ZNF687: variants seen among roughly 807,000 people sequenced by gnomAD.
ZNF687 encodes the protein zinc finger protein 687.
Under a neutral mutation model 71.8 loss-of-function variants are expected in ZNF687, and 13 were observed. The observed-to-expected ratio is 0.18, with a 90% confidence interval of 0.12 to 0.29. ZNF687 has a LOEUF of 0.29. Ranked by LOEUF, ZNF687 falls within the 10% of genes least tolerant of loss-of-function variation. The pLI is 1.00. For synonymous variants in ZNF687, 673 were observed against 641.6 expected (o/e 1.05, Z -0.74); for missense variants, 1,412 against 1,625.6 (o/e 0.87, Z 2.26).
chr1:151,286,389 A>G lies in ZNF687; in HGVS notation c.98A>G (p.Glu33Gly). The G allele has an allele frequency of 6.2e-7, 1 of 1,612,778 alleles. No individual in the cohort carries two copies. The highest frequency in any genetic ancestry group is 1.3e-5 in the African/African-American group (1 of 74,900). The stretch of plus-strand genomic sequence containing the variant: ...GAAGCCATCCATTCTGGGCCAGAAG[A>G]AAATGAGGGGCCTGGAGGCCCAGGG... Reference protein sequence around the residue: ...ANEAIHSGPEENEGPGGPGKP... With the variant: ...ANEAIHSGPEGNEGPGGPGKP... Residue 33 changes from glutamate to glycine, a missense_variant, in exon 2 of 9, where the codon GAA becomes GGA. By Grantham distance (98) the Glu-to-Gly change is moderately conservative. Transcript: ENST00000336715.
chr1:151,282,109 C>T (rs778419777), upstream of ZNF687: 1 of 1,273,580 alleles, frequency 7.9e-7, no homozygotes, highest in South Asian at 1.3e-5. Context: ...GCCCCTTGCC[C>T]AATGAGCATA....
upstream of ZNF687, chr1:151,281,965 C>T (rs1282696446): frequency 2.5e-6 from 3 of 1,189,372 alleles, no homozygotes; most frequent in East Asian, 6.1e-5. Context: ...CTCCCCCTTC[C>T]AGTAGGCAAG....
chr1:151,283,260 C>T (rs1693801856), intron 1 of ZNF687: 1 of 985,446 alleles, frequency 1.0e-6, no homozygotes, highest in Non-Finnish European at 1.2e-6. Flanking sequence ...TTGGCCTCAA[C>T]CTAATCGCCG....
chr1:151,286,452 C>T lies in ZNF687; in HGVS notation c.161C>T (p.Thr54Ile), dbSNP rs1212111495. 4 of 1,613,786 alleles carry T rather than the reference C, an allele frequency of 2.5e-6. No homozygotes were observed. The highest frequency in any genetic ancestry group is 3.3e-5 in the Admixed American group (2 of 59,966). ...EPGVGSESED[T>I]AAASAGDGPG... ...GGTGTAGGAAGTGAATCTGAAGACA[C>T]AGCAGCAGCCTCTGCTGGGGATGGC... Residue 54 changes from threonine (T) to isoleucine (I), a missense_variant, in exon 2 of 9, where the codon ACA becomes ATA. Transcript: ENST00000336715.
chr1:151,290,604 G>A lies in ZNF687; in HGVS notation c.3219+31G>A, dbSNP rs372157247. 9.1e-5 allele frequency: 146 copies of A among 1,599,858 alleles called. 1 individual carries two copies. The Middle Eastern group carries it at 3.7e-3, about 40-fold the overall frequency. ...CAGAGGCCCGGCCTGCTGTGCTAGGGCTTTGAGTGGGAAACTGGAAGGCAG... is the reference window on the plus strand; with the variant it reads ...CAGAGGCCCGGCCTGCTGTGCTAGGACTTTGAGTGGGAAACTGGAAGGCAG... On this transcript the variant is annotated intron_variant, in intron 8 of 8. Transcript: ENST00000336715.
chr1:151,289,489 G>A lies in ZNF687; in HGVS notation c.2583G>A (p.Pro861=), dbSNP rs773830537. 41 of 1,614,004 alleles carry A rather than the reference G, an allele frequency of 2.5e-5. No homozygotes were observed. The highest frequency in any genetic ancestry group is 1.6e-4 in the Middle Eastern group (1 of 6,084). The part of the protein sequence containing the change: ...LPQRVSVFKC[P]SCPLLFAQKR... ...AGCGTGTCAGTGTCTTTAAGTGCCC[G>A]TCTTGTCCTCTGCTCTTTGCCCAAA... The change falls in exon 5 of 9, where the codon CCG becomes CCA. Residue 861 remains proline, a synonymous_variant. Coordinates refer to ENST00000336715, the MANE Select transcript of ZNF687 (RefSeq NM_020832.3).
At position 151,289,904 on chromosome 1, in the gene ZNF687, A is replaced by AGGGTGG. The variant is rs1694133401; in HGVS notation, c.2871_2876dup (p.Gly958_Gly959dup). 6.4e-7 allele frequency: 1 copy of AGGGTGG among 1,557,726 alleles called. No homozygotes were observed. The highest frequency in any genetic ancestry group is 8.7e-7 in the Non-Finnish European group (1 of 1,148,888). On this transcript the variant is annotated inframe_insertion, in exon 6 of 9. Coordinates refer to ENST00000336715, the MANE Select transcript of ZNF687 (RefSeq NM_020832.3). ...CGGGAACTAGGGAGCAAAGGCCTCAAGGGTGGGGGTGGGGGGCCTGGAGGC... is the reference window on the plus strand; with the variant it reads ...CGGGAACTAGGGAGCAAAGGCCTCAAGGGTGGGGGTGGGGGTGGGGGGCCTGGAGGC...
In ZNF687 at chr1:151,287,254, C is replaced by G. The variant is rs201291674; in HGVS notation, c.963C>G (p.Ala321=). The change falls in exon 2 of 9, where the codon GCC becomes GCG. Residue 321 remains alanine (A), a synonymous_variant. Transcript: ENST00000336715. This position sits in a 1 kb window ranked among gnomAD's most constrained non-coding sequence, Gnocchi z 5.0. ...AADEDSNDSP[A]SSSSRPLKVR... ...ATGAGGACAGCAATGACTCCCCTGC[C>G]TCCAGCTCCTCTAGGCCTCTTAAGG... 7.2e-5 allele frequency: 116 copies of G among 1,614,044 alleles called. No homozygotes were observed. Among genetic ancestry groups the G allele is most frequent in the South Asian group, 1.1e-5 (1 of 91,090 alleles).
chr1:151,284,259 G>A (rs1277783398), intron 1 of ZNF687: 2 of 985,246 alleles, frequency 2.0e-6, no homozygotes, highest in African/African-American at 3.5e-5. Context: ...CTGTGCTGGA[G>A]AAATGTGTAT....
At chr1:151,283,026 A>G in intron 1 of ZNF687, 1 of 729,586 alleles carries the variant, frequency 1.4e-6, no homozygotes, top group Non-Finnish European at 1.7e-6. Flanking sequence ...TATCCTGTGT[A>G]GTCCTGGGTC....
rs753026281 is a variant in ZNF687, at chr1:151,288,158, C to T, written c.1867C>T (p.Pro623Ser). The change falls in exon 2 of 9, where the codon CCT (proline) becomes TCT (serine). Residue 623 changes from proline to serine, a missense_variant. Physicochemically the swap from Pro to Ser is moderately conservative, Grantham distance 74. Around this residue, in one of 8 missense-constraint regions of ZNF687, gnomAD observed 207 missense variants for 239.2 expected, o/e 0.87. Coordinates refer to ENST00000336715, the MANE Select transcript of ZNF687 (RefSeq NM_020832.3). ...ITPLLPVAVP[P>S]VSGPLALPAL... ...ACCGCTGCTGCCTGTAGCTGTCCCA[C>T]CTGTCTCTGGACCTCTGGCCTTGCC... is the stretch of plus-strand genomic sequence containing the variant. The T allele has an allele frequency of 4.3e-6, 7 of 1,613,902 alleles. No homozygotes were observed. The highest frequency in any genetic ancestry group is 3.3e-5 in the South Asian group (3 of 91,084).
At chr1:151,283,750 A>G (rs1693829916) in intron 1 of ZNF687, 2 of 884,004 alleles carry the variant, frequency 2.3e-6, no homozygotes, top group Non-Finnish European at 1.4e-6. Context: ...CAGATTCTGC[A>G]GAATTGAATA....
chr1:151,287,568 T>C lies in ZNF687; in HGVS notation c.1277T>C (p.Leu426Pro). 2 of 1,614,068 alleles carry C rather than the reference T, an allele frequency of 1.2e-6. No homozygotes were observed. Among genetic ancestry groups the C allele is most frequent in the Non-Finnish European group, 1.7e-6 (2 of 1,180,014 alleles). ...AGTGTGGCTCGCAAGGCTGTGGTGC[T>C]GCCTGGGGGGACTGCCACCAGCCCT... Reference protein sequence around the residue: ...AASVARKAVVLPGGTATSPKM... With the variant: ...AASVARKAVVPPGGTATSPKM... Residue 426 changes from leucine (L) to proline (P), a missense_variant, in exon 2 of 9, where the codon CTG becomes CCG. Leu to Pro is a moderately conservative substitution (Grantham distance 98, BLOSUM62 -3). This residue lies in a region of ZNF687 where 133 missense variants were observed against 155.1 expected (regional missense o/e 0.86). Transcript: ENST00000336715. This position sits in a 1 kb window ranked among gnomAD's most constrained non-coding sequence, Gnocchi z 5.0.
At chr1:151,288,999 T>A in intron 3 of ZNF687, 96 bp from the exon 4 acceptor site, 1 of 1,354,218 alleles carries the variant, frequency 7.4e-7, no homozygotes, top group Non-Finnish European at 1.0e-6. Flanking sequence ...ATTTCCTTCT[T>A]GTAGTCTACC....
rs1246653797 is a variant in ZNF687 at position 151,286,824 on chromosome 1, C to T, written c.533C>T (p.Pro178Leu). Residue 178 changes from proline (P) to leucine (L), a missense_variant, in exon 2 of 9, where the codon CCT (proline) becomes CTT (leucine). Around this residue, in one of 8 missense-constraint regions of ZNF687, gnomAD observed 490 missense variants for 489.9 expected, o/e 1.00. Transcript: ENST00000336715. ...PEPGDHSDPL[P>L]PSAPSPTREG... ...CCAGGGGACCACTCAGATCCGCTGC[C>T]TCCCTCTGCACCCTCTCCCACTCGG... 6.2e-7 allele frequency: 1 copy of T among 1,614,104 alleles called. No individual in the cohort carries two copies. Among genetic ancestry groups the T allele is most frequent in the Non-Finnish European group, 8.5e-7 (1 of 1,180,044 alleles).
chr1:151,284,659 C>T (rs111737413), intron 1 of ZNF687, among the ~76,000 whole-genome samples: 2 of 151,996 alleles, frequency 1.3e-5, no homozygotes, highest in Non-Finnish European at 1.5e-5. Flanking sequence ...TTTCCAGTTC[C>T]TCCTTGACCT....
In ZNF687 at chr1:151,291,493, G is replaced by C; in HGVS notation, c.*284G>C. On this transcript the variant is annotated 3_prime_UTR_variant, in exon 9 of 9. Transcript: ENST00000336715. ...TGCAGAACCCCCAGTGTGGGCCTGGGGGTGGGAGGATGGGACTTAGGTATG... is the reference window on the plus strand; with the variant it reads ...TGCAGAACCCCCAGTGTGGGCCTGGCGGTGGGAGGATGGGACTTAGGTATG... The C allele has an allele frequency of 2.6e-6, 1 of 378,402 alleles. No individual in the cohort carries two copies. The highest frequency in any genetic ancestry group is 4.8e-6 in the Non-Finnish European group (1 of 206,308). 23.4% of individuals were successfully genotyped at this position (378,402 alleles called of 1,614,324 possible).
At chr1:151,286,253 T>C (rs1351416548) in intron 1 of ZNF687, 22 bp from the exon 2 acceptor site, 6 of 1,513,458 alleles carry the variant, frequency 4.0e-6, no homozygotes, top group Admixed American at 4.5e-5. Flanking sequence ...CAGTTTCTCC[T>C]CCTCGTTCCT....
chr1:151,289,624 T>C, intron 5 of ZNF687, 54 bp from the exon 6 acceptor site: 2 of 1,603,330 alleles, frequency 1.2e-6, no homozygotes, highest in Non-Finnish European at 1.7e-6. Flanking sequence ...TGGGGGGCTT[T>C]GGCATAGCCA....
Sources: gnomAD v4.1 joint callset for allele counts (sites outside exome capture counted in the v4.1 genomes callset) on GRCh38, gnomAD v4.1.1 for gene constraint, gnomAD v4.1.1 regional missense constraint, Gnocchi (gnomAD v3.1) non-coding constraint, MANE v1.5 for transcripts, NCBI Gene and HGNC (gene_info 2026-07-23, HGNC 2026-07-21) for gene names.